The following ROBO1 variants were observed in gnomAD, a reference collection of about 807,000 sequenced individuals.
ROBO1 encodes roundabout guidance receptor 1.
ROBO1 carries 149 observed loss-of-function variants against 195.9 expected under a neutral mutation model. That is an observed-to-expected ratio of 0.76 (90% CI 0.67 to 0.87). The LOEUF is 0.87. Among genes scored for constraint, ROBO1 ranks in the 40% least tolerant of loss-of-function variants. ROBO1 has a pLI of 0.00. For synonymous variants in ROBO1, 816 were observed against 733.2 expected (o/e 1.11, Z -1.82); for missense variants, 1,933 against 2,068.3 (o/e 0.93, Z 1.27).
intron 2 of ROBO1, among the ~76,000 whole-genome samples, chr3:79,465,240 T>G: frequency 6.6e-6 from 1 of 152,174 alleles, no homozygotes; most frequent in Admixed American, 6.5e-5. Context: ...CAAAGAACAT[T>G]ATTTATTAAT....
At chr3:78,970,727 T>G (rs1314648772) in intron 3 of ROBO1, among the ~76,000 whole-genome samples, 2 of 152,164 alleles carry the variant, frequency 1.3e-5, no homozygotes, top group Non-Finnish European at 2.9e-5. Flanking sequence ...CAATTATAAT[T>G]TATCCCATTT....
chr3:79,578,428 A>C (rs1421517799), intron 2 of ROBO1, among the ~76,000 whole-genome samples: 1 of 152,206 alleles, frequency 6.6e-6, no homozygotes, highest in African/African-American at 2.4e-5. Flanking sequence ...TTGCCTTCTC[A>C]TTAGTATTGG....
chr3:78,876,426 C>A (rs2035851423), intron 4 of ROBO1, among the ~76,000 whole-genome samples: 1 of 152,110 alleles, frequency 6.6e-6, no homozygotes, highest in East Asian at 1.9e-4. Context: ...GTCGTATAGT[C>A]TATTAATAAG....
intron 2 of ROBO1, among the ~76,000 whole-genome samples, chr3:79,569,133 C>G (rs1174147215): frequency 2.6e-5 from 3 of 116,896 alleles, no homozygotes; most frequent in Admixed American, 8.3e-5. Flanking sequence ...CGCGCACACA[C>G]ACACACACAC....
intron 2 of ROBO1, among the ~76,000 whole-genome samples, chr3:79,565,125 A>C (rs907344962): frequency 6.6e-6 from 1 of 152,140 alleles, no homozygotes; most frequent in Admixed American, 6.6e-5. Flanking sequence ...AGCTTGAACT[A>C]TAAAGATAAT....
chr3:79,734,001 G>A (rs1034740928), intron 1 of ROBO1, among the ~76,000 whole-genome samples: 1 of 142,972 alleles, frequency 7.0e-6, no homozygotes, highest in African/African-American at 2.7e-5. Flanking sequence ...AGGCTGGATT[G>A]CAATGGTGCG....
rs555402658 is a variant in ROBO1, at chr3:79,196,274, C to CTT, written c.89-70737_89-70736dup. On this transcript the variant is annotated intron_variant, in intron 2 of 30. Coordinates refer to ENST00000464233, the MANE Select transcript of ROBO1 (RefSeq NM_002941.4). Reference sequence around the variant, plus strand: ...AGAGCTAGAAGGATGAGAAGAGTTTCTTTTTTTTTTTTTTTTTCAGTTGGA... The same window carrying CTT: ...AGAGCTAGAAGGATGAGAAGAGTTTCTTTTTTTTTTTTTTTTTTTCAGTTGGA... Among the ~76,000 whole-genome samples the CTT allele has an allele frequency of 2.8e-3, 310 of 111,582 alleles. 2 individuals are homozygous for CTT. Among genetic ancestry groups the CTT allele is most frequent in the African/African-American group, 8.7e-3 (264 of 30,452 alleles). 73.2% of individuals were successfully genotyped at this position (111,582 alleles called of 152,430 possible).
chr3:79,271,893 T>G lies in ROBO1; in HGVS notation c.89-146354A>C, dbSNP rs560072853. 2.6e-5 allele frequency among the ~76,000 whole-genome samples: 4 copies of G among 152,202 alleles called. No homozygotes were observed. The Middle Eastern group carries it at 0.01, about 388-fold the overall frequency. ...ACCTTTAAAATTAATCAATTTATTT[T>G]CTAAATTATTTTGAAATGTGGATTC... is the stretch of plus-strand genomic sequence containing the variant. On this transcript the variant is annotated intron_variant, in intron 2 of 30. Transcript: ENST00000464233.
rs149836413 is a variant in ROBO1 at position 79,478,642 on chromosome 3, A to C, written c.88+111182T>G. 2.5e-4 allele frequency among the ~76,000 whole-genome samples: 38 copies of C among 151,988 alleles called. 1 individual carries two copies. The East Asian group carries it at 7.4e-3, about 30-fold the overall frequency. On this transcript the variant is annotated intron_variant, in intron 2 of 30. Coordinates refer to ENST00000464233, the MANE Select transcript of ROBO1 (RefSeq NM_002941.4). ...CTTCCAGTTTCTGCCTTTTTATTTT[A>C]CTCATTTTTCTTCCCTTCATCCCCA...
chr3:78,998,097 C>A (rs1206580720), intron 3 of ROBO1, among the ~76,000 whole-genome samples: 1 of 152,114 alleles, frequency 6.6e-6, no homozygotes, highest in Non-Finnish European at 1.5e-5. Flanking sequence ...GTAACTTGCA[C>A]CTACTCCATA....
intron 4 of ROBO1, among the ~76,000 whole-genome samples, chr3:78,849,996 C>A (rs1250782085): frequency 6.6e-6 from 1 of 152,036 alleles, no homozygotes; most frequent in Admixed American, 6.6e-5. Flanking sequence ...TTCAGATAAA[C>A]ATATACTTAC....
intron 2 of ROBO1, among the ~76,000 whole-genome samples, chr3:79,219,986 T>C (rs1326603280): frequency 1.3e-5 from 2 of 152,030 alleles, no homozygotes; most frequent in Non-Finnish European, 2.9e-5. Flanking sequence ...ATATATATGG[T>C]ATGGTGAAGA....
chr3:79,034,331 G>A (rs1194589721), intron 3 of ROBO1, among the ~76,000 whole-genome samples: 1 of 152,092 alleles, frequency 6.6e-6, no homozygotes, highest in Non-Finnish European at 1.5e-5. Flanking sequence ...GATTCACAGA[G>A]ATGAAAAACG....
At chr3:79,488,356 A>C (rs1442451526) in intron 2 of ROBO1, among the ~76,000 whole-genome samples, 1 of 152,174 alleles carries the variant, frequency 6.6e-6, no homozygotes, top group Non-Finnish European at 1.5e-5. Context: ...ATACTTATAG[A>C]GCACTTTAAT....
At chr3:79,674,489 G>A (rs564180758) in intron 1 of ROBO1, among the ~76,000 whole-genome samples, 1 of 151,946 alleles carries the variant, frequency 6.6e-6, no homozygotes, top group South Asian at 2.1e-4. Flanking sequence ...GGAAAAAATA[G>A]AATAACCCAT....
chr3:79,710,471 A>T (rs1702227532), intron 1 of ROBO1, among the ~76,000 whole-genome samples: 1 of 152,134 alleles, frequency 6.6e-6, no homozygotes, highest in Admixed American at 6.6e-5. Flanking sequence ...CAGCAAAATC[A>T]TTTTTCAGAA....
chr3:79,378,154 A>ACTCTCTCTCT (rs3057946), intron 2 of ROBO1, among the ~76,000 whole-genome samples: 7 of 146,652 alleles, frequency 4.8e-5, no homozygotes, highest in African/African-American at 1.7e-4. Flanking sequence ...TCTTATGGTC[A>ACTCTCTCTCT]CTCTCTCTCT....
At chr3:79,320,495 T>G (rs116112054) in intron 2 of ROBO1, among the ~76,000 whole-genome samples, 2,392 of 152,126 alleles carry the variant, frequency 0.016, 25 homozygotes, top group Non-Finnish European at 0.025. Flanking sequence ...GCCCAGCTAA[T>G]TTTTGTAGTT....
chr3:79,271,049 A>G (rs1222065018), intron 2 of ROBO1, among the ~76,000 whole-genome samples: 1 of 151,878 alleles, frequency 6.6e-6, no homozygotes, highest in Non-Finnish European at 1.5e-5. Flanking sequence ...TTCAGAAGAA[A>G]TATTATTATC....
Sources: gnomAD v4.1 joint callset for allele counts (sites outside exome capture counted in the v4.1 genomes callset) on GRCh38, gnomAD v4.1.1 for gene constraint, MANE v1.5 for transcripts, NCBI Gene and HGNC (gene_info 2026-07-23, HGNC 2026-07-21) for gene names.